Variants in AIM2 observed in about 807,000 individuals in gnomAD.
AIM2 encodes interferon-inducible protein AIM2.
A neutral mutation model predicts 27.7 loss-of-function variants in AIM2; 30 were observed. The observed-to-expected ratio is 1.08, with a 90% CI of 0.81 to 1.47. The LOEUF is 1.47. Among genes scored for constraint, AIM2 ranks in the 40% most tolerant of loss-of-function variants. The pLI is 0.00. For missense variants in AIM2, 358 were observed against 411.3 expected (o/e 0.87, Z 1.12); for synonymous variants, 141 against 145.3 (o/e 0.97, Z 0.21).
chr1:159,077,637 C>A (rs149588603), upstream of AIM2, among the ~76,000 whole-genome samples: 3 of 152,100 alleles, frequency 2.0e-5, no homozygotes, highest in Admixed American at 1.3e-4. Flanking sequence ...CCTTTTTGAC[C>A]GCATTTTTAT....
At chr1:159,094,996 G>A (rs915136345) in intron 1 of AIM2, among the ~76,000 whole-genome samples, 4 of 151,682 alleles carry the variant, frequency 2.6e-5, no homozygotes, top group Admixed American at 6.6e-5. Flanking sequence ...TTACAAAAGC[G>A]GGCAATTTAA....
chr1:159,134,240 C>A (rs899341004), intron 1 of AIM2, among the ~76,000 whole-genome samples: 1 of 152,200 alleles, frequency 6.6e-6, no homozygotes, highest in Non-Finnish European at 1.5e-5. Flanking sequence ...CCCCCTTAAT[C>A]CTGGCTAATA....
chr1:159,132,017 A>C (rs1439089311), intron 1 of AIM2, among the ~76,000 whole-genome samples: 2 of 152,064 alleles, frequency 1.3e-5, no homozygotes, highest in Admixed American at 6.5e-5. Context: ...GAAAAACATG[A>C]AACTCAAACT....
intron 1 of AIM2, among the ~76,000 whole-genome samples, chr1:159,107,999 A>G (rs1358652519): frequency 1.3e-5 from 2 of 152,212 alleles, no homozygotes; most frequent in Non-Finnish European, 2.9e-5. Context: ...TACCAATTCT[A>G]TTGACACTAT....
downstream of AIM2, among the ~76,000 whole-genome samples, chr1:159,059,316 A>G (rs966170493): frequency 2.6e-5 from 4 of 152,022 alleles, no homozygotes; most frequent in African/African-American, 7.2e-5. Flanking sequence ...ATGTGTGTGT[A>G]TATGTGTTTA....
At chr1:159,097,141 A>C (rs1186482444) in intron 1 of AIM2, among the ~76,000 whole-genome samples, 2 of 152,104 alleles carry the variant, frequency 1.3e-5, no homozygotes, top group Non-Finnish European at 2.9e-5. Context: ...CAAACCGCTA[A>C]GTCTTGTAAC....
At chr1:159,083,825 A>C (rs908633109) in intron 1 of AIM2, among the ~76,000 whole-genome samples, 1 of 152,232 alleles carries the variant, frequency 6.6e-6, no homozygotes, top group Admixed American at 6.5e-5. Context: ...GACTAGTCCT[A>C]TTGGAAGGAA....
At chr1:159,086,340 C>T (rs1391945449) in intron 1 of AIM2, among the ~76,000 whole-genome samples, 1 of 152,228 alleles carries the variant, frequency 6.6e-6, no homozygotes, top group East Asian at 1.9e-4. Flanking sequence ...AGTGTCTCTC[C>T]TCTTTCCACC....
At chr1:159,077,620 C>G (rs1385843635), upstream of AIM2, among the ~76,000 whole-genome samples, 1 of 152,210 alleles carries the variant, frequency 6.6e-6, no homozygotes, top group East Asian at 1.9e-4. Flanking sequence ...GGCAATCCCT[C>G]TGCTAACCTT....
Position 159,092,466 on chromosome 1 carries a change from C to T in AIM2, c.-15-26137G>A, listed in dbSNP as rs562526706. On this transcript the variant is annotated intron_variant, in intron 1 of 2. Transcript: ENST00000368129. ...CTGGACCCAGGCCCACATTATCAGA[C>T]TGAAGGAGGTTAAAGCTTATTTTCT... 5.3e-5 allele frequency among the ~76,000 whole-genome samples: 8 copies of T among 152,240 alleles called. No individual in the cohort carries two copies. In the East Asian group the frequency reaches 1.5e-3, roughly 29 times the overall value.
chr1:159,132,194 C>CAAAA (rs71086905), intron 1 of AIM2: 1 of 99,456 alleles, frequency 1.0e-5, no homozygotes, highest in Non-Finnish European at 2.0e-5. Context: ...CTAGAAATAC[C>CAAAA]AAAAAAAAAA....
intron 1 of AIM2, among the ~76,000 whole-genome samples, chr1:159,082,043 A>C (rs1458230888): frequency 1.3e-5 from 2 of 152,104 alleles, no homozygotes; most frequent in African/African-American, 2.4e-5. Context: ...CTTTTTTTCT[A>C]GCCACATGCT....
At position 159,075,572 on chromosome 1, in the gene AIM2, C is replaced by CAT. The variant is rs1490024330; in HGVS notation, c.-21+1060_-21+1061insAT. ...ACACACACACACACACACACACACA[C>CAT]ACATATATATATGGCTATACCTGCT... is the stretch of plus-strand genomic sequence containing the variant. On this transcript the variant is annotated intron_variant, in intron 1 of 5. Coordinates refer to ENST00000368130, the MANE Select transcript of AIM2 (RefSeq NM_004833.3). Among the ~76,000 whole-genome samples, 489 of 142,656 alleles carry CAT rather than the reference C, an allele frequency of 3.4e-3. 3 individuals are homozygous for CAT. Among genetic ancestry groups the CAT allele is most frequent in the East Asian group, 0.025 (107 of 4,290 alleles). 93.6% of individuals were successfully genotyped at this position (142,656 alleles called of 152,430 possible).
At chr1:159,077,265 AT>A (rs1656644905), upstream of AIM2, among the ~76,000 whole-genome samples, 1 of 152,230 alleles carries the variant, frequency 6.6e-6, no homozygotes, top group Non-Finnish European at 1.5e-5. Flanking sequence ...AATAAGCACA[AT>A]GAAGGTATGG....
At chr1:159,111,846 C>CTATCTATCTATG (rs1264789310) in intron 1 of AIM2, among the ~76,000 whole-genome samples, 5 of 147,638 alleles carry the variant, frequency 3.4e-5, no homozygotes, top group African/African-American at 1.3e-4. Flanking sequence ...ATCTATCTAT[C>CTATCTATCTATG]TATCTATCTA....
chr1:159,078,646 C>T (rs965491502), upstream of AIM2, among the ~76,000 whole-genome samples: 1 of 152,148 alleles, frequency 6.6e-6, no homozygotes, highest in Admixed American at 6.6e-5. Flanking sequence ...AAGTACTCAT[C>T]GTCCAGCTTT....
intron 1 of AIM2, among the ~76,000 whole-genome samples, chr1:159,126,203 G>A (rs138805904): frequency 4.9e-4 from 75 of 152,278 alleles, no homozygotes; most frequent in Middle Eastern, 6.8e-3. Context: ...AGGGAAGGAC[G>A]AAGGAAAATG....
At chr1:159,077,764 A>G (rs1468006732), upstream of AIM2, among the ~76,000 whole-genome samples, 1 of 152,186 alleles carries the variant, frequency 6.6e-6, no homozygotes, top group Non-Finnish European at 1.5e-5. Context: ...TCAGAGCTTG[A>G]GGGCTTGATT....
chr1:159,122,267 T>C (rs1216568311), intron 1 of AIM2: 1 of 152,212 alleles, frequency 6.6e-6, no homozygotes, highest in Non-Finnish European at 1.5e-5. Context: ...TGCTCCTGGT[T>C]TGGTGGCTCT....
Sources: gnomAD v4.1 joint callset for allele counts (sites outside exome capture counted in the v4.1 genomes callset) on GRCh38, gnomAD v4.1.1 for gene constraint, MANE v1.5 for transcripts, NCBI Gene and HGNC (gene_info 2026-07-23, HGNC 2026-07-21) for gene names.